Variants in RCBTB2 observed in about 807,000 individuals in gnomAD.
The protein encoded by RCBTB2 is RCC1 and BTB domain containing protein 2.
A neutral mutation model predicts 65.4 loss-of-function variants in RCBTB2; 55 were observed. The observed-to-expected ratio is 0.84, with a 90% CI of 0.68 to 1.05. The LOEUF is 1.05. RCBTB2 is among the 50% of genes least tolerant of loss of function. The probability of loss-of-function intolerance (pLI) is 0.00; values close to 1 mark genes in which losing one functional copy is unlikely to be tolerated. For synonymous variants in RCBTB2, 220 were observed against 255.2 expected (o/e 0.86, Z 1.31); for missense variants, 599 against 680.1 (o/e 0.88, Z 1.33).
chr13:48,533,379 T>G, upstream of RCBTB2: 1 of 259,180 alleles, frequency 3.9e-6, no homozygotes, highest in South Asian at 3.3e-5. Context: ...CAGGGTTATG[T>G]TCTCGCAAAT....
At chr13:48,523,065 G>A (rs1187548144) in intron 2 of RCBTB2, among the ~76,000 whole-genome samples, 1 of 152,108 alleles carries the variant, frequency 6.6e-6, no homozygotes, top group Non-Finnish European at 1.5e-5. Context: ...TTGGAAACAA[G>A]TAAAAAAGAT....
In RCBTB2 at chr13:48,522,390, T is replaced by A; in HGVS notation, c.-106A>T. On this transcript the variant is annotated 5_prime_UTR_variant, in exon 3 of 15. Coordinates refer to ENST00000344532, the MANE Select transcript of RCBTB2 (RefSeq NM_001268.4). ...CAATTCTCAGCTCCACAGAAGAATA[T>A]ATGATTTGCTAAGCTGGAAAAAAAA... 7.1e-7 allele frequency: 1 copy of A among 1,399,572 alleles called. No homozygotes were observed. The highest frequency in any genetic ancestry group is 9.7e-7 in the Non-Finnish European group (1 of 1,028,244). The allele number at this position is 1,399,572 out of a possible 1,614,324, so 86.7% of individuals were successfully genotyped here.
intron 12 of RCBTB2, 56 bp downstream of exon 12, chr13:48,501,686 G>C: frequency 6.8e-7 from 1 of 1,479,278 alleles, no homozygotes. Context: ...TGGACACTTA[G>C]AATATAATTG....
Position 48,490,053 on chromosome 13 carries a change from T to C in RCBTB2, c.*58A>G. On this transcript the variant is annotated 3_prime_UTR_variant, in exon 15 of 15. Coordinates refer to ENST00000344532, the MANE Select transcript of RCBTB2 (RefSeq NM_001268.4). ...ATACTATTAATTAAAGAGAAGTGAT[T>C]CATCTCTGGCTTTTGCAGGGGAAAT... 5.8e-6 allele frequency: 9 copies of C among 1,562,470 alleles called. No individual in the cohort carries two copies. In the South Asian group the frequency reaches 1.0e-4, roughly 17 times the overall value.
intron 1 of RCBTB2, among the ~76,000 whole-genome samples, chr13:48,526,786 T>A (rs149647589): frequency 1.4e-3 from 214 of 151,530 alleles, no homozygotes; most frequent in Non-Finnish European, 1.9e-3. Context: ...CGTAAGAGTG[T>A]GTACCTGTAG....
In RCBTB2 at chr13:48,489,034, G is replaced by C. The variant is rs979971830; in HGVS notation, c.*1077C>G. The C allele has an allele frequency of 2.0e-5, 3 of 152,136 alleles. No homozygotes were observed. Among genetic ancestry groups the C allele is most frequent in the African/African-American group, 7.2e-5 (3 of 41,410 alleles). The allele number at this position is 152,136 out of a possible 1,614,324, so 9.4% of individuals were successfully genotyped here. ...CAGAACAAGAATTCTAATTCCAAAA[G>C]GGTTTCCTTTACATTACATGACATT... On this transcript the variant is annotated 3_prime_UTR_variant, in exon 15 of 15. Coordinates refer to ENST00000344532, the MANE Select transcript of RCBTB2 (RefSeq NM_001268.4).
At chr13:48,511,175 T>C (rs1015057548) in intron 9 of RCBTB2, among the ~76,000 whole-genome samples, 1 of 152,216 alleles carries the variant, frequency 6.6e-6, no homozygotes, top group African/African-American at 2.4e-5. Flanking sequence ...TCTATTTCTA[T>C]ATAGACATAG....
At chr13:48,506,609 G>C (rs1241858588) in intron 10 of RCBTB2, among the ~76,000 whole-genome samples, 1 of 152,202 alleles carries the variant, frequency 6.6e-6, no homozygotes, top group Non-Finnish European at 1.5e-5. Flanking sequence ...AGCCGCGCTG[G>C]TCAGGTGGCA....
intron 1 of RCBTB2, among the ~76,000 whole-genome samples, chr13:48,526,409 G>A (rs1308064620): frequency 2.0e-5 from 3 of 152,060 alleles, no homozygotes; most frequent in Non-Finnish European, 4.4e-5. Flanking sequence ...GGTAGTACAC[G>A]CCTGTAGTCC....
chr13:48,494,179 C>T (rs1029750539), intron 14 of RCBTB2, among the ~76,000 whole-genome samples: 1 of 152,140 alleles, frequency 6.6e-6, no homozygotes, highest in Non-Finnish European at 1.5e-5. Flanking sequence ...GTAAATGAAA[C>T]ATGAACTGTG....
chr13:48,496,794 G>GGGAGGGGAGA (rs1566261151), intron 13 of RCBTB2, among the ~76,000 whole-genome samples: 5 of 131,824 alleles, frequency 3.8e-5, no homozygotes, highest in African/African-American at 1.5e-4. Context: ...AAGAGAAGAG[G>GGGAGGGGAGA]GGAGGGGAGA....
chr13:48,512,509 G>A (rs1402466983), intron 7 of RCBTB2, among the ~76,000 whole-genome samples: 1 of 152,156 alleles, frequency 6.6e-6, no homozygotes, highest in Non-Finnish European at 1.5e-5. Flanking sequence ...AACAGAGAAG[G>A]AACAATACCT....
intron 12 of RCBTB2, among the ~76,000 whole-genome samples, chr13:48,500,219 G>A (rs1192156422): frequency 6.6e-6 from 1 of 152,190 alleles, no homozygotes; most frequent in African/African-American, 2.4e-5. Context: ...TTATAAGAAG[G>A]TCACTAGGGT....
At chr13:48,504,545 T>C (rs1182948961) in intron 10 of RCBTB2, among the ~76,000 whole-genome samples, 2 of 152,342 alleles carry the variant, frequency 1.3e-5, no homozygotes, top group South Asian at 2.1e-4. Flanking sequence ...CCTGAGCTCC[T>C]GCAGCACTTC....
intron 4 of RCBTB2, among the ~76,000 whole-genome samples, chr13:48,516,152 C>T (rs1169387254): frequency 6.6e-6 from 1 of 152,010 alleles, no homozygotes; most frequent in African/African-American, 2.4e-5. Context: ...AAGTCAAGAA[C>T]AATGCTTGGT....
At chr13:48,525,821 A>G (rs1951698165) in intron 1 of RCBTB2, among the ~76,000 whole-genome samples, 1 of 152,208 alleles carries the variant, frequency 6.6e-6, no homozygotes, top group Non-Finnish European at 1.5e-5. Context: ...CTAAGTCACA[A>G]AATGATACAT....
intron 4 of RCBTB2, among the ~76,000 whole-genome samples, chr13:48,519,170 G>A (rs1338644195): frequency 6.6e-6 from 1 of 152,108 alleles, no homozygotes; most frequent in Non-Finnish European, 1.5e-5. Context: ...TGATTGTTGA[G>A]TAAAAAGTTT....
intron 14 of RCBTB2, chr13:48,491,835 T>C (rs1460875859): frequency 6.6e-6 from 1 of 152,172 alleles, no homozygotes; most frequent in Non-Finnish European, 1.5e-5. Context: ...AAATACTAAA[T>C]TAAGGACAGG....
At chr13:48,535,658 A>C (rs1321588228), upstream of RCBTB2, 6 of 456,548 alleles carry the variant, frequency 1.3e-5, no homozygotes, top group African/African-American at 2.0e-5. Flanking sequence ...TTGCTAAATC[A>C]GTGGTTACTT....
Sources: allele counts gnomAD v4.1 joint callset (sites outside exome capture counted in the v4.1 genomes callset), GRCh38; gene constraint gnomAD v4.1.1; transcripts MANE v1.5; gene names NCBI Gene and HGNC (gene_info 2026-07-23, HGNC 2026-07-21).